Variants in NAA20 observed in about 807,000 individuals in gnomAD.
NAA20 encodes the protein N-alpha-acetyltransferase 20.
Under a neutral mutation model 23.8 loss-of-function variants are expected in NAA20, and 24 were observed. The ratio of observed to expected loss-of-function variants is 1.01; its 90% confidence interval spans 0.73 to 1.42. NAA20 has a LOEUF of 1.42. NAA20 is among the 40% of genes most tolerant of loss of function. The probability of loss-of-function intolerance (pLI) is 0.00; values close to 1 mark genes in which losing one functional copy is unlikely to be tolerated. For synonymous variants in NAA20, 83 were observed against 77.7 expected (o/e 1.07, Z -0.36); for missense variants, 166 against 223.1 (o/e 0.74, Z 1.63).
At chr20:20,020,269 A>G (rs1568744915) in intron 1 of NAA20, among the ~76,000 whole-genome samples, 1 of 152,208 alleles carries the variant, frequency 6.6e-6, no homozygotes, top group Non-Finnish European at 1.5e-5. Context: ...GTTCAGTTAC[A>G]AAGGAAAATA....
intron 4 of NAA20, among the ~76,000 whole-genome samples, chr20:20,030,770 C>T (rs1227689212): frequency 6.6e-6 from 1 of 151,668 alleles, no homozygotes; most frequent in Admixed American, 6.6e-5. Context: ...ATAAAATCCA[C>T]AAGAATCTAG....
At chr20:20,032,390 T>C in intron 4 of NAA20, 118 bp from the exon 5 acceptor site, 3 of 919,034 alleles carry the variant, frequency 3.3e-6, no homozygotes, top group Non-Finnish European at 4.7e-6. Flanking sequence ...GTCCTATTAC[T>C]ACCATTCTGA....
intron 4 of NAA20, among the ~76,000 whole-genome samples, chr20:20,031,684 A>G (rs1382418574): frequency 2.0e-5 from 3 of 152,224 alleles, no homozygotes; most frequent in African/African-American, 4.8e-5. Flanking sequence ...GAATATTCAC[A>G]ATACATAGAG....
chr20:20,027,185 C>T (rs551006109), intron 4 of NAA20, among the ~76,000 whole-genome samples: 3 of 152,278 alleles, frequency 2.0e-5, no homozygotes, highest in Admixed American at 6.5e-5. Context: ...GGCTAGCTCT[C>T]GAGGTTTCTC....
At chr20:20,032,034 C>G (rs1157145363) in intron 4 of NAA20, among the ~76,000 whole-genome samples, 1 of 148,722 alleles carries the variant, frequency 6.7e-6, no homozygotes, top group South Asian at 2.1e-4. Context: ...CAGAAGTATT[C>G]ACAGGAGCAT....
chr20:20,019,182 A>G (rs1385826433), intron 1 of NAA20, among the ~76,000 whole-genome samples: 1 of 152,210 alleles, frequency 6.6e-6, no homozygotes, highest in Non-Finnish European at 1.5e-5. Context: ...AGGTGGGCAG[A>G]GAGAAATGAT....
At chr20:20,026,757 G>A in intron 3 of NAA20, 27 bp from the exon 4 acceptor site, 1 of 1,611,830 alleles carries the variant, frequency 6.2e-7, no homozygotes. Context: ...TCTAGTTACT[G>A]AATGTGATTT....
chr20:20,019,856 A>C (rs1000200251), intron 1 of NAA20, among the ~76,000 whole-genome samples: 2 of 152,166 alleles, frequency 1.3e-5, no homozygotes, highest in African/African-American at 4.8e-5. Flanking sequence ...AAAGTGCTGG[A>C]ATTACAAGTG....
At chr20:20,029,134 T>C (rs924397381) in intron 4 of NAA20, among the ~76,000 whole-genome samples, 3 of 152,174 alleles carry the variant, frequency 2.0e-5, no homozygotes, top group Non-Finnish European at 4.4e-5. Flanking sequence ...GCTGTCTGTA[T>C]TGTTTACAGG....
At chr20:20,017,574 A>G (rs2043240063) in intron 1 of NAA20, 125 bp downstream of exon 1, 22 of 1,354,626 alleles carry the variant, frequency 1.6e-5, no homozygotes, top group Non-Finnish European at 2.1e-5. Flanking sequence ...CGCGAGAACC[A>G]CCCCCCGCCG....
At chr20:20,022,630 AGT>A in intron 2 of NAA20, 150 bp downstream of exon 2, 1 of 594,920 alleles carries the variant, frequency 1.7e-6, no homozygotes, top group South Asian at 2.5e-5. Flanking sequence ...AATTTTAAAA[AGT>A]GAAACTGAGA....
intron 2 of NAA20, 50 bp downstream of exon 2, chr20:20,022,530 TA>T: frequency 6.9e-7 from 1 of 1,459,530 alleles, no homozygotes; most frequent in Non-Finnish European, 9.2e-7. Flanking sequence ...TTACTGAGAA[TA>T]AAGAAAACAG....
intron 1 of NAA20, among the ~76,000 whole-genome samples, chr20:20,020,247 G>T (rs894585496): frequency 2.0e-5 from 3 of 152,212 alleles, no homozygotes; most frequent in Non-Finnish European, 2.9e-5. Context: ...GGGGAGTCAT[G>T]TGGAACTTAG....
In NAA20 at chr20:20,026,211, G is replaced by A. The variant is rs756091320; in HGVS notation, c.169+444G>A. On this transcript the variant is annotated intron_variant, in intron 3 of 5. Coordinates refer to ENST00000334982, the MANE Select transcript of NAA20 (RefSeq NM_016100.5). Reference sequence around the variant, plus strand: ...TCCCAGCTACTCAGGAAGCTGAGGCGGGAGAATCACTTGAACCCCGGAGGC... The same window carrying A: ...TCCCAGCTACTCAGGAAGCTGAGGCAGGAGAATCACTTGAACCCCGGAGGC... 6.6e-5 allele frequency among the ~76,000 whole-genome samples: 10 copies of A among 151,880 alleles called. No individual in the cohort carries two copies. In the East Asian group the frequency reaches 7.7e-4, roughly 12 times the overall value.
intron 1 of NAA20, among the ~76,000 whole-genome samples, chr20:20,022,240 G>A (rs534720833): frequency 6.6e-6 from 1 of 152,248 alleles, no homozygotes; most frequent in South Asian, 2.1e-4. Context: ...GCAGTTAAGT[G>A]AAAAAATATG....
intron 5 of NAA20, among the ~76,000 whole-genome samples, chr20:20,032,875 A>G (rs1233096047): frequency 6.6e-6 from 1 of 152,184 alleles, no homozygotes; most frequent in Non-Finnish European, 1.5e-5. Flanking sequence ...TGTTACATAC[A>G]TATTATTTTG....
chr20:20,026,442 A>T (rs1276159210), intron 3 of NAA20, among the ~76,000 whole-genome samples: 1 of 152,180 alleles, frequency 6.6e-6, no homozygotes, highest in Non-Finnish European at 1.5e-5. Flanking sequence ...CTATATGTGT[A>T]CATCCACATG....
At chr20:20,020,546 C>G (rs2043260171) in intron 1 of NAA20, among the ~76,000 whole-genome samples, 1 of 152,170 alleles carries the variant, frequency 6.6e-6, no homozygotes, top group Non-Finnish European at 1.5e-5. Context: ...GAGAGGCCAT[C>G]ATAAGACCTG....
chr20:20,030,459 T>G (rs1187718258), intron 4 of NAA20, among the ~76,000 whole-genome samples: 1 of 152,198 alleles, frequency 6.6e-6, no homozygotes, highest in South Asian at 2.1e-4. Flanking sequence ...TAAATATATT[T>G]AGTAGTGATA....
Sources: gnomAD v4.1 joint callset for allele counts (sites outside exome capture counted in the v4.1 genomes callset) on GRCh38, gnomAD v4.1.1 for gene constraint, MANE v1.5 for transcripts, NCBI Gene and HGNC (gene_info 2026-07-23, HGNC 2026-07-21) for gene names.